ALOXE3: variants seen among roughly 807,000 people sequenced by gnomAD.
ALOXE3 encodes the protein arachidonate epidermal lipoxygenase 3.
ALOXE3 carries 78 observed loss-of-function variants against 87.5 expected under a neutral mutation model. The ratio of observed to expected loss-of-function variants is 0.89; its 90% CI spans 0.74 to 1.08. The LOEUF (loss-of-function observed/expected upper bound fraction) is 1.08. Among genes scored for constraint, ALOXE3 ranks in the 50% least tolerant of loss-of-function variants. The pLI is 0.00. For missense variants in ALOXE3, 946 were observed against 912.4 expected (o/e 1.04, Z -0.47); for synonymous variants, 363 against 370.8 (o/e 0.98, Z 0.24).
intron 6 of ALOXE3, 148 bp from the exon 7 acceptor site, chr17:8,112,344 C>G: frequency 3.0e-6 from 2 of 656,358 alleles, no homozygotes; most frequent in South Asian, 3.6e-5. Flanking sequence ...AGTCTAGTAC[C>G]CGGTGGAGGC....
At chr17:8,103,643 G>T (rs1308462609) in intron 14 of ALOXE3, 150 bp from the exon 15 acceptor site, 3 of 908,566 alleles carry the variant, frequency 3.3e-6, no homozygotes, top group Non-Finnish European at 5.2e-6. Flanking sequence ...GGGAAATGAG[G>T]GGATCATGGA....
chr17:8,096,727 A>T lies in ALOXE3; in HGVS notation c.2036T>A (p.Leu679Gln). ...RRSIAAFQSR[L>Q]AQISRDIQER... ...CTGGATGTCCCTTGAGATCTGGGCC[A>T]GGCGGCTCTGGAAGGCGGCGATGCT... The change falls in exon 16 of 16, where the codon CTG (leucine) becomes CAG (glutamine). Residue 679 changes from leucine to glutamine, a missense_variant. Leu to Gln is a moderately radical substitution (Grantham distance 113). Transcript: ENST00000448843. 2 of 1,614,050 alleles carry T rather than the reference A, an allele frequency of 1.2e-6. No homozygotes were observed. The highest frequency in any genetic ancestry group is 1.7e-6 in the Non-Finnish European group (2 of 1,179,888).
chr17:8,108,738 C>T, intron 12 of ALOXE3, 149 bp from the exon 13 acceptor site: 7 of 1,216,784 alleles, frequency 5.8e-6, no homozygotes, highest in South Asian at 5.1e-5. Flanking sequence ...ATCTGAGTGG[C>T]CGGGCTTCCC....
Position 8,103,567 on chromosome 17 carries a change from T to G in ALOXE3, c.1786-74A>C, listed in dbSNP as rs1182118304. ...TCACCTCCCTCTTCACCATCCCTGA[T>G]TCCACCTCTGCCGTCCTAGAGGTGA... On this transcript the variant is annotated intron_variant, in intron 14 of 15. Transcript: ENST00000448843. The G allele has an allele frequency of 2.0e-6, 3 of 1,514,520 alleles. No individual in the cohort carries two copies. In the East Asian group the frequency reaches 6.9e-5, roughly 35 times the overall value. 93.8% of individuals were successfully genotyped at this position (1,514,520 alleles called of 1,614,324 possible). A position where few individuals can be genotyped will look rare whatever the true frequency, so the allele number is the denominator to read the frequency against.
Position 8,118,209 on chromosome 17 carries a change from C to T in ALOXE3, c.-219G>A. 1 of 1,551,646 alleles carries T rather than the reference C, an allele frequency of 6.4e-7. No individual in the cohort carries two copies. Among genetic ancestry groups the T allele is most frequent in the Non-Finnish European group, 8.7e-7 (1 of 1,147,000 alleles). On this transcript the variant is annotated 5_prime_UTR_variant, in exon 2 of 16. Transcript: ENST00000448843. Reference sequence around the variant, plus strand: ...GCGGCTCGGGCTTCCTCTCTCCGCCCACAGTCTTGCACTCTAATACTTGTT... The same window carrying T: ...GCGGCTCGGGCTTCCTCTCTCCGCCTACAGTCTTGCACTCTAATACTTGTT...
chr17:8,114,225 A>G (rs1980371003), intron 6 of ALOXE3, among the ~76,000 whole-genome samples: 1 of 149,896 alleles, frequency 6.7e-6, no homozygotes, highest in Admixed American at 6.7e-5. Context: ...GAGTTCAATC[A>G]TGAAAGCAGA....
chr17:8,111,112 G>A (rs534102411), intron 8 of ALOXE3, among the ~76,000 whole-genome samples: 17 of 152,286 alleles, frequency 1.1e-4, no homozygotes, highest in African/African-American at 4.1e-4. Context: ...TGTCCCTGCA[G>A]CCACCCTGCG....
At chr17:8,117,525 A>G (rs556218692) in intron 2 of ALOXE3, among the ~76,000 whole-genome samples, 2 of 152,348 alleles carry the variant, frequency 1.3e-5, no homozygotes, top group South Asian at 4.1e-4. Flanking sequence ...TGGCAGAGGC[A>G]GGCAGATCCC....
chr17:8,098,411 C>A (rs1389139748), intron 15 of ALOXE3, among the ~76,000 whole-genome samples: 3 of 151,244 alleles, frequency 2.0e-5, no homozygotes, highest in African/African-American at 7.3e-5. Context: ...GGCTAATTTT[C>A]TTATTTTTAG....
intron 15 of ALOXE3, among the ~76,000 whole-genome samples, chr17:8,097,461 C>A (rs1018607973): frequency 6.6e-6 from 1 of 152,172 alleles, no homozygotes; most frequent in African/African-American, 2.4e-5. Flanking sequence ...CTAAAAACAA[C>A]CAGCATCCTG....
In ALOXE3 at chr17:8,103,458, T is replaced by G. The variant is rs1979053055; in HGVS notation, c.1821A>C (p.Ser607=). The change falls in exon 15 of 16, where the codon TCA becomes TCC. Residue 607 remains serine (S), a synonymous_variant. Transcript: ENST00000448843. ...DFGAWMPNAP[S]SMRQPPPQTK... is the part of the protein sequence containing the mutation. ...TCTGGGGTGGGGGCTGCCTCATGGA[T>G]GATGGAGCATTGGGCATCCAGGCCC... is the stretch of plus-strand genomic sequence containing the variant. 3.1e-6 allele frequency: 5 copies of G among 1,614,100 alleles called. No individual in the cohort carries two copies. Among genetic ancestry groups the G allele is most frequent in the Non-Finnish European group, 4.2e-6 (5 of 1,180,006 alleles).
intron 6 of ALOXE3, among the ~76,000 whole-genome samples, chr17:8,113,605 A>G (rs1029876238): frequency 2.0e-5 from 3 of 152,146 alleles, no homozygotes; most frequent in Non-Finnish European, 4.4e-5. Flanking sequence ...GTGAGCCAAG[A>G]TCGAGCCACT....
At position 8,107,860 on chromosome 17, in the gene ALOXE3, A is replaced by G. The variant is rs1979489038; in HGVS notation, c.1684+608T>C. 1.1e-3 allele frequency among the ~76,000 whole-genome samples: 3 copies of G among 2,714 alleles called. 1 individual carries two copies. Among genetic ancestry groups the G allele is most frequent in the Non-Finnish European group, 2.6e-3 (3 of 1,166 alleles). The allele number at this position is 2,714 out of a possible 152,430, so 1.8% of individuals were successfully genotyped here. Reference sequence around the variant, plus strand: ...AAGAAAGAAAGAAAGAAAGAAAGAAAGAAAGAAAGAAAGAAAGAAAGAAAG... The same window carrying G: ...AAGAAAGAAAGAAAGAAAGAAAGAAGGAAAGAAAGAAAGAAAGAAAGAAAG... On this transcript the variant is annotated intron_variant, in intron 13 of 15. Coordinates refer to ENST00000448843, the MANE Select transcript of ALOXE3 (RefSeq NM_021628.3).
At position 8,096,648 on chromosome 17, in the gene ALOXE3, A is replaced by G; in HGVS notation, c.2115T>C (p.Ile705=). Residue 705 remains isoleucine, a synonymous_variant, in exon 16 of 16, where the codon ATT becomes ATC. Transcript: ENST00000448843. The part of the protein sequence containing the change: ...LPYTYLDPPL[I]ENSVSI ...GTGGTTAGATGGAGACGCTGTTCTC[A>G]ATGAGGGGAGGGTCCAGGTAGGTGT... 6.9e-7 allele frequency: 1 copy of G among 1,451,158 alleles called. No individual in the cohort carries two copies. The highest frequency in any genetic ancestry group is 1.4e-5 in the African/African-American group (1 of 71,554). The allele number at this position is 1,451,158 out of a possible 1,614,324, so 89.9% of individuals were successfully genotyped here.
intron 13 of ALOXE3, among the ~76,000 whole-genome samples, chr17:8,104,786 T>A (rs1442721453): frequency 6.6e-6 from 1 of 151,894 alleles, no homozygotes; most frequent in Non-Finnish European, 1.5e-5. Context: ...GCCTTGTGAG[T>A]TGAAAGATGG....
chr17:8,103,531 G>A (rs1567993062), intron 14 of ALOXE3, 38 bp from the exon 15 acceptor site: 6 of 1,608,992 alleles, frequency 3.7e-6, no homozygotes, highest in Non-Finnish European at 5.1e-6. Context: ...CAGTTGGCCA[G>A]AAGGGGAGTA....
At chr17:8,110,586 C>T in intron 8 of ALOXE3, 58 bp from the exon 9 acceptor site, 1 of 1,600,420 alleles carries the variant, frequency 6.2e-7, no homozygotes, top group Non-Finnish European at 8.5e-7. Flanking sequence ...ACTTCCCTCC[C>T]ATTTCCCTGC....
chr17:8,117,054 A>G (rs1980663657), intron 2 of ALOXE3, 74 bp from the exon 3 acceptor site: 2 of 1,360,652 alleles, frequency 1.5e-6, no homozygotes, highest in African/African-American at 1.4e-5. Context: ...TGCAAGATGC[A>G]TCTACACCTA....
chr17:8,107,332 C>A (rs1979393656), intron 13 of ALOXE3, among the ~76,000 whole-genome samples: 1 of 152,302 alleles, frequency 6.6e-6, no homozygotes, highest in South Asian at 2.1e-4. Flanking sequence ...GCCTGTCCAA[C>A]ATGGCAAAAC....
Sources: allele counts gnomAD v4.1 joint callset (sites outside exome capture counted in the v4.1 genomes callset), GRCh38; gene constraint gnomAD v4.1.1; transcripts MANE v1.5; gene names NCBI Gene and HGNC (gene_info 2026-07-23, HGNC 2026-07-21).